Variants in CLASP1 observed in about 807,000 individuals in gnomAD.
CLASP1 encodes the protein cytoplasmic linker associated protein 1.
In CLASP1, 38 loss-of-function variants were observed where a neutral mutation model predicts 192.3. The ratio of observed to expected loss-of-function variants is 0.20; its 90% CI spans 0.15 to 0.26. CLASP1 has a LOEUF of 0.26. CLASP1 is among the 10% of genes least tolerant of loss of function. The pLI, the probability that CLASP1 is intolerant of heterozygous loss-of-function variation, is 1.00. For missense variants in CLASP1, 1,433 were observed against 1,932.5 expected, an observed-to-expected ratio of 0.74 and a Z score of 4.85; for synonymous variants, 691 against 712.8, an observed-to-expected ratio of 0.97 and a Z score of 0.49.
chr2:121,620,807 T>C (rs781390060), intron 1 of CLASP1, among the ~76,000 whole-genome samples: 2 of 152,244 alleles, frequency 1.3e-5, no homozygotes, highest in Non-Finnish European at 2.9e-5. Flanking sequence ...TTATCAGATA[T>C]ATGACAAATA....
At chr2:121,631,287 CTTT>C (rs769717647) in intron 1 of CLASP1, among the ~76,000 whole-genome samples, 9 of 127,594 alleles carry the variant, frequency 7.1e-5, no homozygotes, top group Non-Finnish European at 1.0e-4. Context: ...TTTAAAATTA[CTTT>C]TTTTTTTTTT....
At chr2:121,413,442 A>G (rs1219469885) in intron 23 of CLASP1, among the ~76,000 whole-genome samples, 2 of 152,180 alleles carry the variant, frequency 1.3e-5, no homozygotes, top group Non-Finnish European at 2.9e-5. Flanking sequence ...GTTAGCATAT[A>G]AAAATAGTGG....
intron 21 of CLASP1, among the ~76,000 whole-genome samples, chr2:121,426,898 G>A (rs2080490139): frequency 6.6e-6 from 1 of 152,036 alleles, no homozygotes; most frequent in South Asian, 2.1e-4. Context: ...CCTAAGTAGA[G>A]AAGGCAATAC....
At chr2:121,569,360 A>G (rs377118518) in intron 2 of CLASP1, among the ~76,000 whole-genome samples, 2 of 152,246 alleles carry the variant, frequency 1.3e-5, no homozygotes, top group East Asian at 1.9e-4. Context: ...AGCACAATCT[A>G]GAGACAGAGA....
At chr2:121,352,969 T>C (rs2064776615) in intron 37 of CLASP1, among the ~76,000 whole-genome samples, 1 of 152,108 alleles carries the variant, frequency 6.6e-6, no homozygotes, top group Non-Finnish European at 1.5e-5. Flanking sequence ...TTTTAAAGTA[T>C]CTACTTTCAC....
chr2:121,516,316 TA>T (rs748828272), intron 6 of CLASP1, among the ~76,000 whole-genome samples: 1 of 152,180 alleles, frequency 6.6e-6, no homozygotes, highest in Non-Finnish European at 1.5e-5. Context: ...GGTTGTGGTT[TA>T]AAGAAGGGAG....
At chr2:121,421,685 G>A (rs1389635063) in intron 22 of CLASP1, among the ~76,000 whole-genome samples, 1 of 152,156 alleles carries the variant, frequency 6.6e-6, no homozygotes, top group Non-Finnish European at 1.5e-5. Context: ...TGGGATTACA[G>A]GCACGCACCA....
chr2:121,643,104 T>C (rs957257910), intron 1 of CLASP1, among the ~76,000 whole-genome samples: 1 of 152,228 alleles, frequency 6.6e-6, no homozygotes, highest in African/African-American at 2.4e-5. Flanking sequence ...CAGGCTCACC[T>C]AAACGCACCA....
chr2:121,530,214 G>C, intron 3 of CLASP1, 33 bp downstream of exon 3: 1 of 1,537,274 alleles, frequency 6.5e-7, no homozygotes, highest in Admixed American at 2.0e-5. Context: ...GGTCTGAAGG[G>C]GCCGGGTCCG....
chr2:121,556,092 C>G (rs1167956662), intron 2 of CLASP1, among the ~76,000 whole-genome samples: 1 of 136,510 alleles, frequency 7.3e-6, no homozygotes, highest in Non-Finnish European at 1.5e-5. Context: ...CAAGCAAATT[C>G]TCGGCCTCAG....
chr2:121,387,350 T>C, intron 31 of CLASP1, 122 bp from the exon 33 acceptor site: 1 of 712,024 alleles, frequency 1.4e-6, no homozygotes, highest in South Asian at 2.7e-5. Context: ...GATGGTTTTT[T>C]TTTTCCCTTA....
chr2:121,513,629 A>G (rs2094204058), intron 7 of CLASP1, among the ~76,000 whole-genome samples: 2 of 152,190 alleles, frequency 1.3e-5, no homozygotes, highest in Non-Finnish European at 2.9e-5. Flanking sequence ...GCACAATCAT[A>G]GTCACAGCTG....
chr2:121,377,800 T>TA (rs2070612698), intron 33 of CLASP1, among the ~76,000 whole-genome samples, 151 bp from the exon 35 acceptor site: 1 of 152,204 alleles, frequency 6.6e-6, no homozygotes, highest in Admixed American at 6.5e-5. Flanking sequence ...CGTCTTTTGT[T>TA]AGAGTACCAC....
At chr2:121,582,825 C>A (rs967990576) in intron 2 of CLASP1, among the ~76,000 whole-genome samples, 4 of 151,420 alleles carry the variant, frequency 2.6e-5, no homozygotes, top group Non-Finnish European at 1.5e-5. Context: ...TGCTCTGTCG[C>A]CCTGGCTGGA....
intron 23 of CLASP1, among the ~76,000 whole-genome samples, chr2:121,411,427 T>C (rs1041562454): frequency 6.6e-6 from 1 of 152,244 alleles, no homozygotes; most frequent in African/African-American, 2.4e-5. Context: ...GTGCAAATTT[T>C]TATTAGTGTC....
Position 121,507,898 on chromosome 2 carries a change from A to T in CLASP1, c.645-4664T>A, listed in dbSNP as rs965447786. The stretch of plus-strand genomic sequence containing the variant: ...ATAATATATTCAAAGTTCTGAAATT[A>T]AAAAAGACAATCAACCAAGAATTCT... On this transcript the variant is annotated intron_variant, in intron 7 of 39. Transcript: ENST00000263710. 3.7e-4 allele frequency among the ~76,000 whole-genome samples: 56 copies of T among 152,302 alleles called. 1 individual carries two copies. Among genetic ancestry groups the T allele is most frequent in the Admixed American group, 5.2e-4 (8 of 15,298 alleles).
Position 121,381,696 on chromosome 2 carries a change from T to C in CLASP1, c.3491+512A>G, listed in dbSNP as rs1035799679. 2.6e-5 allele frequency among the ~76,000 whole-genome samples: 4 copies of C among 152,318 alleles called. No individual in the cohort carries two copies. The South Asian group carries it at 8.3e-4, about 32-fold the overall frequency. ...AGTTATCCTGCCTCTTGGGGACTCCTTTCTGGATCTGTGTGCTCAGACTAC... is the reference window on the plus strand; with the variant it reads ...AGTTATCCTGCCTCTTGGGGACTCCCTTCTGGATCTGTGTGCTCAGACTAC... On this transcript the variant is annotated intron_variant, in intron 33 of 39. Coordinates refer to ENST00000263710, the Ensembl canonical transcript of CLASP1.
chr2:121,567,583 C>T (rs1277959807), intron 2 of CLASP1, among the ~76,000 whole-genome samples: 1 of 152,234 alleles, frequency 6.6e-6, no homozygotes, highest in Non-Finnish European at 1.5e-5. Flanking sequence ...TAATGTACGA[C>T]ACGAGGTCCT....
chr2:121,477,204 T>G (rs1367445807), intron 8 of CLASP1, among the ~76,000 whole-genome samples: 2 of 152,218 alleles, frequency 1.3e-5, no homozygotes, highest in African/African-American at 2.4e-5. Flanking sequence ...CAACACCCAG[T>G]AGACATTCAG....
Sources: gnomAD v4.1 joint callset for allele counts (sites outside exome capture counted in the v4.1 genomes callset) on GRCh38, gnomAD v4.1.1 for gene constraint, MANE v1.5 for transcripts, NCBI Gene and HGNC (gene_info 2026-07-23, HGNC 2026-07-21) for gene names.